Variants in CD38 observed in about 807,000 individuals in gnomAD.
The protein encoded by CD38 is CD38 molecule.
CD38 carries 31 observed loss-of-function variants against 36.3 expected under a neutral mutation model. The ratio of observed to expected loss-of-function variants is 0.85; its 90% CI spans 0.64 to 1.15. CD38 has a LOEUF of 1.15. Among genes scored for constraint, CD38 ranks in the 50% most tolerant of loss-of-function variants. The pLI is 0.00. For synonymous variants in CD38, 131 were observed against 135.2 expected (o/e 0.97, Z 0.22); for missense variants, 380 against 371.9 (o/e 1.02, Z -0.18).
intron 3 of CD38, among the ~76,000 whole-genome samples, chr4:15,827,176 T>C (rs1000681589): frequency 1.3e-5 from 2 of 152,182 alleles, no homozygotes; most frequent in Non-Finnish European, 2.9e-5. Flanking sequence ...TGCCAGCCAG[T>C]AAGTGGCAAA....
intron 3 of CD38, among the ~76,000 whole-genome samples, chr4:15,831,697 G>A (rs1354213757): frequency 6.6e-6 from 1 of 151,844 alleles, no homozygotes; most frequent in African/African-American, 2.4e-5. Flanking sequence ...CTTTTCTCTT[G>A]CTGCTTTTAG....
intron 1 of CD38, among the ~76,000 whole-genome samples, chr4:15,790,414 G>A: frequency 6.6e-6 from 1 of 152,042 alleles, no homozygotes; most frequent in Non-Finnish European, 1.5e-5. Context: ...CTGACCGCGA[G>A]TGATCCGCCG....
chr4:15,789,685 T>C (rs1329340943), intron 1 of CD38, among the ~76,000 whole-genome samples: 1 of 152,106 alleles, frequency 6.6e-6, no homozygotes, highest in Admixed American at 6.5e-5. Context: ...TACTGATTAA[T>C]ACGCTAATGG....
At chr4:15,826,839 C>T (rs1577655172) in intron 3 of CD38, among the ~76,000 whole-genome samples, 1 of 152,238 alleles carries the variant, frequency 6.6e-6, no homozygotes, top group South Asian at 2.1e-4. Context: ...AAATTTTTGG[C>T]TCATTTCAGA....
intron 1 of CD38, among the ~76,000 whole-genome samples, chr4:15,782,738 G>A (rs938345073): frequency 2.6e-5 from 4 of 152,160 alleles, no homozygotes; most frequent in African/African-American, 9.7e-5. Context: ...TAGGTCCTTA[G>A]TATTTCTTTA....
At chr4:15,807,572 A>G (rs1464401321) in intron 1 of CD38, among the ~76,000 whole-genome samples, 1 of 152,080 alleles carries the variant, frequency 6.6e-6, no homozygotes, top group Admixed American at 6.6e-5. Flanking sequence ...CTGCTTTGTC[A>G]TTATCAACAT....
At chr4:15,848,474 TAG>T in intron 7 of CD38, 63 bp from the exon 8 acceptor site, 1 of 1,238,398 alleles carries the variant, frequency 8.1e-7, no homozygotes, top group Non-Finnish European at 1.2e-6. Flanking sequence ...CTTCCTCCAT[TAG>T]CGAATTGGAC....
intron 1 of CD38, among the ~76,000 whole-genome samples, chr4:15,785,534 C>G (rs368207498): frequency 1.9e-5 from 2 of 107,412 alleles, no homozygotes; most frequent in African/African-American, 1.1e-4. Flanking sequence ...GAGAACGTTC[C>G]TTTTCTTTTT....
rs1724165989 is a variant in CD38, at chr4:15,839,989, G to A, written c.660-37G>A. The A allele has an allele frequency of 2.8e-6, 4 of 1,435,656 alleles. No individual in the cohort carries two copies. The South Asian group carries it at 4.6e-5, about 16-fold the overall frequency. The allele number at this position is 1,435,656 out of a possible 1,614,324, so 88.9% of individuals were successfully genotyped here. On this transcript the variant is annotated intron_variant, in intron 5 of 7. Transcript: ENST00000226279. ...GGGGGGTGTGGATGCTTTCGTTTGG[G>A]GTTGATGTTTGGGGTTCTTTGTTTC...
intron 1 of CD38, among the ~76,000 whole-genome samples, chr4:15,808,296 C>T (rs1723386531): frequency 6.6e-6 from 1 of 152,172 alleles, no homozygotes; most frequent in Admixed American, 6.5e-5. Context: ...CACTGTCTTA[C>T]CTGTTACACA....
chr4:15,794,100 C>G (rs1723061134), intron 1 of CD38, among the ~76,000 whole-genome samples: 1 of 152,190 alleles, frequency 6.6e-6, no homozygotes. Context: ...AAATTGAGCA[C>G]TCTTCTGAGT....
chr4:15,832,454 T>A (rs1723977879), intron 3 of CD38, among the ~76,000 whole-genome samples: 1 of 152,226 alleles, frequency 6.6e-6, no homozygotes, highest in Non-Finnish European at 1.5e-5. Context: ...ACGTTGTATC[T>A]GCTGTAGGGG....
At chr4:15,829,122 A>T (rs565454063) in intron 3 of CD38, among the ~76,000 whole-genome samples, 1 of 152,152 alleles carries the variant, frequency 6.6e-6, no homozygotes, top group African/African-American at 2.4e-5. Flanking sequence ...ATGTCTTTTG[A>T]AAAATGTCTA....
intron 1 of CD38, among the ~76,000 whole-genome samples, chr4:15,786,678 G>A (rs1481843388): frequency 2.0e-5 from 3 of 152,228 alleles, no homozygotes; most frequent in East Asian, 1.9e-4. Context: ...TCACCTAGCC[G>A]ATTGTGCACC....
At chr4:15,816,007 A>T (rs1413852035) in intron 1 of CD38, among the ~76,000 whole-genome samples, 10 of 152,192 alleles carry the variant, frequency 6.6e-5, no homozygotes, top group Admixed American at 2.0e-4. Context: ...ACTTTTCTGC[A>T]TCTATTGAGA....
At chr4:15,784,081 G>C (rs1304990659) in intron 1 of CD38, among the ~76,000 whole-genome samples, 2 of 152,226 alleles carry the variant, frequency 1.3e-5, no homozygotes, top group Non-Finnish European at 2.9e-5. Flanking sequence ...CATGTGATCT[G>C]TAATGAAAAA....
chr4:15,791,306 G>C (rs1309866338), intron 1 of CD38, among the ~76,000 whole-genome samples: 1 of 64,960 alleles, frequency 1.5e-5, no homozygotes, highest in East Asian at 3.8e-4. Context: ...GGGGAGGGGG[G>C]GTCAGCCCCC....
rs1042705061 is a variant in CD38, at chr4:15,848,907, C to G, written c.*305C>G. The G allele has an allele frequency of 2.4e-5, 5 of 211,738 alleles. No individual in the cohort carries two copies. The highest frequency in any genetic ancestry group is 4.7e-5 in the Non-Finnish European group (5 of 106,940). 13.1% of individuals were successfully genotyped at this position (211,738 alleles called of 1,614,324 possible). A position where few individuals can be genotyped will look rare whatever the true frequency, so the allele number is the denominator to read the frequency against. ...TATGTTATTTATATATTGGTAACAT[C>G]CTTTCTATTGAAAAATCACCACACC... On this transcript the variant is annotated 3_prime_UTR_variant, in exon 8 of 8. Coordinates refer to ENST00000226279, the MANE Select transcript of CD38 (RefSeq NM_001775.4).
chr4:15,787,283 C>G (rs1722859859), intron 1 of CD38, among the ~76,000 whole-genome samples: 1 of 152,344 alleles, frequency 6.6e-6, no homozygotes, highest in South Asian at 2.1e-4. Flanking sequence ...GAAATGGACC[C>G]TGAGAGAGAT....
Sources: allele counts gnomAD v4.1 joint callset (sites outside exome capture counted in the v4.1 genomes callset), GRCh38; gene constraint gnomAD v4.1.1; transcripts MANE v1.5; gene names NCBI Gene and HGNC (gene_info 2026-07-23, HGNC 2026-07-21).